Variants in KIF21A observed in about 807,000 individuals in gnomAD.
The protein encoded by KIF21A is kinesin-like protein KIF21A.
Under a neutral mutation model 202.9 loss-of-function variants are expected in KIF21A, and 114 were observed. The observed-to-expected ratio is 0.56, with a 90% CI of 0.48 to 0.66. KIF21A has a LOEUF of 0.66. Ranked by LOEUF, KIF21A falls within the 30% of genes least tolerant of loss-of-function variation. The pLI is 0.00. For synonymous variants in KIF21A, 667 were observed against 670.8 expected (o/e 0.99, Z 0.09); for missense variants, 1,677 against 1,994.9 (o/e 0.84, Z 3.04).
At chr12:39,392,551 G>C (rs577330740) in intron 1 of KIF21A, among the ~76,000 whole-genome samples, 1 of 152,082 alleles carries the variant, frequency 6.6e-6, no homozygotes, top group African/African-American at 2.4e-5. Flanking sequence ...CCCAGCTCTT[G>C]CACACCCTTT....
chr12:39,301,469 A>G lies in KIF21A; in HGVS notation c.4931+11T>C. The G allele has an allele frequency of 6.2e-7, 1 of 1,608,906 alleles. No individual in the cohort carries two copies. Among genetic ancestry groups the G allele is most frequent in the East Asian group, 2.2e-5 (1 of 44,860 alleles). ...AACCAATATAGAGAAAAATCATATAAGAAAACTTACTCAGCTGCAGTAAAA... is the reference window on the plus strand; with the variant it reads ...AACCAATATAGAGAAAAATCATATAGGAAAACTTACTCAGCTGCAGTAAAA... On this transcript the variant is annotated intron_variant, in intron 37 of 37. Transcript: ENST00000361418.
intron 26 of KIF21A, among the ~76,000 whole-genome samples, chr12:39,324,536 C>A (rs1463007699): frequency 1.3e-5 from 2 of 152,296 alleles, no homozygotes; most frequent in East Asian, 3.9e-4. Context: ...GCCAATAGCT[C>A]AAAGATCATG....
intron 5 of KIF21A, 23 bp downstream of exon 5, chr12:39,367,007 A>C: frequency 2.5e-6 from 4 of 1,608,170 alleles, no homozygotes; most frequent in East Asian, 2.2e-5. Flanking sequence ...TGAAAGTTTA[A>C]GAAATTAGAA....
chr12:39,331,919 T>C, intron 21 of KIF21A, 128 bp from the exon 22 acceptor site: 3 of 774,418 alleles, frequency 3.9e-6, no homozygotes, highest in Non-Finnish European at 6.8e-6. Flanking sequence ...AAGTGCAATA[T>C]ATGATCATTA....
chr12:39,362,327 T>C (rs1456360160), intron 7 of KIF21A, among the ~76,000 whole-genome samples: 1 of 152,242 alleles, frequency 6.6e-6, no homozygotes, highest in Non-Finnish European at 1.5e-5. Flanking sequence ...ATTTGTTGTA[T>C]AGCATCTAAT....
Position 39,333,114 on chromosome 12 carries a change from T to G in KIF21A, c.2488-7A>C. 3.7e-6 allele frequency: 6 copies of G among 1,613,574 alleles called. No individual in the cohort carries two copies. The South Asian group carries it at 6.6e-5, about 18-fold the overall frequency. On this transcript the variant is annotated splice_polypyrimidine_tract_variant and splice_region_variant and intron_variant, in intron 18 of 37. Coordinates refer to ENST00000361418, the MANE Select transcript of KIF21A (RefSeq NM_001173464.2). ...GCCGACGAAGAGCCGTAACCTGAAATTGCAGCAAAGGTTGACTCATTCTCT... is the reference window on the plus strand; with the variant it reads ...GCCGACGAAGAGCCGTAACCTGAAAGTGCAGCAAAGGTTGACTCATTCTCT...
chr12:39,424,013 G>T (rs1035089665), intron 1 of KIF21A, among the ~76,000 whole-genome samples: 2 of 111,004 alleles, frequency 1.8e-5, no homozygotes, highest in Non-Finnish European at 3.7e-5. Context: ...AAAAAAAAAA[G>T]GCAGTCAGAA....
intron 37 of KIF21A, among the ~76,000 whole-genome samples, chr12:39,300,248 A>G (rs544058984): frequency 1.1e-4 from 16 of 152,334 alleles, no homozygotes; most frequent in Admixed American, 2.6e-4. Flanking sequence ...CCCACAGCCA[A>G]TGTGGGATAT....
chr12:39,356,856 T>A lies in KIF21A; in HGVS notation c.1445A>T (p.Tyr482Phe). The change falls in exon 10 of 38, where the codon TAT becomes TTT. Residue 482 changes from tyrosine to phenylalanine, a missense_variant. By Grantham distance (22) the Tyr-to-Phe change is conservative (BLOSUM62 3). Coordinates refer to ENST00000361418, the MANE Select transcript of KIF21A (RefSeq NM_001173464.2). ...CCTGAGATCTTCGATTTCTTTTATA[T>A]AACTATGAATCATATTACTAATCTC... ...NEEISNMIHS[Y>F]IKEIEDLRAK... The A allele has an allele frequency of 8.0e-7, 1 of 1,243,792 alleles. No individual in the cohort carries two copies. Among genetic ancestry groups the A allele is most frequent in the Admixed American group, 1.7e-5 (1 of 59,170 alleles). 77.0% of individuals were successfully genotyped at this position (1,243,792 alleles called of 1,614,324 possible).
At chr12:39,326,569 G>GA (rs1945944091) in intron 24 of KIF21A, among the ~76,000 whole-genome samples, 1 of 152,206 alleles carries the variant, frequency 6.6e-6, no homozygotes, top group Non-Finnish European at 1.5e-5. Context: ...GTAAACTGTA[G>GA]AAGAGTAACA....
At position 39,309,885 on chromosome 12, in the gene KIF21A, T is replaced by C. The variant is rs185290582; in HGVS notation, c.4097-119A>G. 5,678 of 861,886 alleles carry C rather than the reference T, an allele frequency of 6.6e-3. 24 individuals are homozygous for C. Among genetic ancestry groups the C allele is most frequent in the Non-Finnish European group, 8.5e-3 (4,696 of 550,518 alleles). 53.4% of individuals were successfully genotyped at this position (861,886 alleles called of 1,614,324 possible). ...ATGGGAAGGAAATGAAAATAGTAAT[T>C]AACATACCACAAGGATCCTAACTTC... is the stretch of plus-strand genomic sequence containing the variant. On this transcript the variant is annotated intron_variant, in intron 32 of 37. Transcript: ENST00000361418.
chr12:39,297,939 AAAG>A (rs1942570430), intron 37 of KIF21A, among the ~76,000 whole-genome samples: 1 of 150,592 alleles, frequency 6.6e-6, no homozygotes, highest in African/African-American at 2.4e-5. Flanking sequence ...AAAAAAAAGA[AAAG>A]AAAAGATCAG....
chr12:39,378,302 G>A (rs149451424), intron 1 of KIF21A, among the ~76,000 whole-genome samples: 6 of 152,236 alleles, frequency 3.9e-5, no homozygotes, highest in Admixed American at 2.6e-4. Context: ...ATTCACAAGG[G>A]GGTAACATTG....
intron 29 of KIF21A, 83 bp downstream of exon 29, chr12:39,317,990 A>G: frequency 7.2e-7 from 1 of 1,385,222 alleles, no homozygotes; most frequent in Middle Eastern, 2.3e-4. Flanking sequence ...CTACACAGAG[A>G]TGACTACATG....
At chr12:39,318,279 T>C (rs980634574) in intron 28 of KIF21A, 78 bp from the exon 29 acceptor site, 12 of 1,424,074 alleles carry the variant, frequency 8.4e-6, no homozygotes, top group Non-Finnish European at 1.2e-5. Flanking sequence ...AAACATGCTC[T>C]TTTAAAAAAA....
chr12:39,423,549 G>T (rs1473084146), intron 1 of KIF21A, among the ~76,000 whole-genome samples: 1 of 148,786 alleles, frequency 6.7e-6, no homozygotes, highest in Admixed American at 6.7e-5. Context: ...TCTCATTTTT[G>T]TTAAAAAAAA....
chr12:39,344,779 C>T (rs375806936), intron 12 of KIF21A, among the ~76,000 whole-genome samples: 18 of 151,850 alleles, frequency 1.2e-4, no homozygotes, highest in African/African-American at 3.1e-4. Context: ...CTCAGTAAAC[C>T]GAGGCAAATT....
At chr12:39,398,576 A>AG (rs1229313959) in intron 1 of KIF21A, among the ~76,000 whole-genome samples, 1 of 152,196 alleles carries the variant, frequency 6.6e-6, no homozygotes, top group East Asian at 1.9e-4. Context: ...CCCAAGTGAG[A>AG]GGATTACAGA....
At chr12:39,315,030 C>T (rs899953589) in intron 31 of KIF21A, among the ~76,000 whole-genome samples, 199 bp downstream of exon 31, 3 of 151,786 alleles carry the variant, frequency 2.0e-5, no homozygotes, top group African/African-American at 7.3e-5. Flanking sequence ...CATGGTATTT[C>T]TCTATTTGAA....
Sources: allele counts gnomAD v4.1 joint callset (sites outside exome capture counted in the v4.1 genomes callset), GRCh38; gene constraint gnomAD v4.1.1; transcripts MANE v1.5; gene names NCBI Gene and HGNC (gene_info 2026-07-23, HGNC 2026-07-21).